Variants in BCAS3 observed in about 807,000 individuals in gnomAD.
The protein encoded by BCAS3 is BCAS4/BCAS3 fusion.
BCAS3 carries 53 observed loss-of-function variants against 116.1 expected under a neutral mutation model. The observed-to-expected ratio is 0.46, with a 90% CI of 0.37 to 0.57. The LOEUF (loss-of-function observed/expected upper bound fraction) is 0.57. Among genes scored for constraint, BCAS3 ranks in the 20% least tolerant of loss-of-function variants. The pLI, the probability that BCAS3 is intolerant of heterozygous loss-of-function variation, is 0.00. For missense variants in BCAS3, 917 were observed against 1,165.4 expected (o/e 0.79, Z 3.10); for synonymous variants, 391 against 408.2 (o/e 0.96, Z 0.51).
intron 22 of BCAS3, among the ~76,000 whole-genome samples, chr17:61,345,166 G>A (rs539495016): frequency 4.6e-5 from 7 of 152,312 alleles, no homozygotes; most frequent in African/African-American, 1.7e-4. Context: ...TGTATTCAGA[G>A]GGAAACTAAA....
chr17:60,909,558 C>T (rs2058378414), intron 11 of BCAS3, among the ~76,000 whole-genome samples: 1 of 152,000 alleles, frequency 6.6e-6, no homozygotes, highest in African/African-American at 2.4e-5. Flanking sequence ...TCTAAGTATT[C>T]TAGGGTGCCT....
intron 22 of BCAS3, among the ~76,000 whole-genome samples, chr17:61,271,124 CTTTTTTTT>C (rs1198682844): frequency 2.1e-4 from 22 of 107,084 alleles, no homozygotes; most frequent in African/African-American, 6.1e-4. Flanking sequence ...AACTTTTATT[CTTTTTTTT>C]TTTTTTTTTT....
At chr17:60,754,714 CACACACACACACACACACACACACACAG>C (rs2042834222) in intron 6 of BCAS3, among the ~76,000 whole-genome samples, 1 of 22,558 alleles carries the variant, frequency 4.4e-5, no homozygotes, top group African/African-American at 5.1e-5. Context: ...CACACACACA[CACACACACACACACACACACACACACAG>C]AGTCTGTTCA....
At position 61,234,565 on chromosome 17, in the gene BCAS3, G is replaced by A. The variant is rs1163282198; in HGVS notation, c.2426-133762G>A. ...GGGAGAGGAGTTTCCTTCTCCTTTG[G>A]TGGGCTTCCCTCTAGCAATTCAGGA... On this transcript the variant is annotated intron_variant, in intron 22 of 23. Transcript: ENST00000407086. Among the ~76,000 whole-genome samples the A allele has an allele frequency of 3.3e-5, 5 of 152,008 alleles. No individual in the cohort carries two copies. In the East Asian group the frequency reaches 9.6e-4, roughly 29 times the overall value.
At chr17:60,795,605 T>C (rs1021403970) in intron 6 of BCAS3, among the ~76,000 whole-genome samples, 2 of 152,214 alleles carry the variant, frequency 1.3e-5, no homozygotes, top group African/African-American at 4.8e-5. Flanking sequence ...ATGATGATTT[T>C]GCCAAGAGTT....
At chr17:60,894,943 A>G (rs1006301472) in intron 10 of BCAS3, among the ~76,000 whole-genome samples, 2 of 151,696 alleles carry the variant, frequency 1.3e-5, no homozygotes, top group African/African-American at 4.8e-5. Context: ...TATATTTTTG[A>G]TGTGCTGTTG....
rs988387463 is a variant in BCAS3 at position 61,376,341 on chromosome 17, C to T, written c.2593+7847C>T. Among the ~76,000 whole-genome samples, 17 of 152,140 alleles carry T rather than the reference C, an allele frequency of 1.1e-4. No individual in the cohort carries two copies. The highest frequency in any genetic ancestry group is 4.1e-4 in the African/African-American group (17 of 41,410). On this transcript the variant is annotated intron_variant, in intron 23 of 23. Coordinates refer to ENST00000407086, the MANE Select transcript of BCAS3 (RefSeq NM_017679.5). The surrounding 1 kb of genome is among the most constrained non-coding windows in gnomAD (Gnocchi z 4.5). ...TGCTGCCTTCACAGGGCCATCGTGG[C>T]TCATAGCCCCATAGGTCACATTCCC...
intron 15 of BCAS3, among the ~76,000 whole-genome samples, chr17:60,996,962 A>G (rs1410195807): frequency 2.0e-5 from 3 of 152,100 alleles, no homozygotes; most frequent in East Asian, 3.9e-4. Context: ...GTGATCCCCA[A>G]CCTTTTTGGC....
chr17:61,006,125 A>T (rs2064687262), intron 15 of BCAS3, among the ~76,000 whole-genome samples: 1 of 151,904 alleles, frequency 6.6e-6, no homozygotes, highest in Non-Finnish European at 1.5e-5. Context: ...AAGGACATGA[A>T]CTCATCATTT....
rs138192110 is a variant in BCAS3 at position 60,789,051 on chromosome 17, G to T, written c.404-18953G>T. Among the ~76,000 whole-genome samples the T allele has an allele frequency of 2.3e-3, 353 of 152,214 alleles. 3 individuals carry two copies. Among genetic ancestry groups the T allele is most frequent in the African/African-American group, 8.2e-3 (340 of 41,544 alleles). Reference sequence around the variant, plus strand: ...AATAAAAAATGAAGCAGAAGACTTGGAAATGGTTTAAATGATAAATTTAGT... The same window carrying T: ...AATAAAAAATGAAGCAGAAGACTTGTAAATGGTTTAAATGATAAATTTAGT... On this transcript the variant is annotated intron_variant, in intron 6 of 23. Coordinates refer to ENST00000407086, the MANE Select transcript of BCAS3 (RefSeq NM_017679.5).
intron 6 of BCAS3, among the ~76,000 whole-genome samples, chr17:60,771,682 C>T (rs1366314103): frequency 2.0e-5 from 3 of 152,130 alleles, no homozygotes; most frequent in African/African-American, 4.8e-5. Flanking sequence ...GGTATATCTC[C>T]TAATGCTATC....
intron 4 of BCAS3, among the ~76,000 whole-genome samples, chr17:60,708,184 G>A (rs2037410469): frequency 6.6e-6 from 1 of 151,958 alleles, no homozygotes; most frequent in South Asian, 2.1e-4. Flanking sequence ...AATTAGCTGG[G>A]CATTATGGCA....
At chr17:60,846,467 C>A (rs1030606699) in intron 7 of BCAS3, among the ~76,000 whole-genome samples, 1 of 152,062 alleles carries the variant, frequency 6.6e-6, no homozygotes, top group African/African-American at 2.4e-5. Context: ...TAGCTGATGG[C>A]GTTTGTGAGT....
chr17:60,946,543 GA>G (rs1279442721), intron 13 of BCAS3, among the ~76,000 whole-genome samples: 1 of 152,124 alleles, frequency 6.6e-6, no homozygotes, highest in African/African-American at 2.4e-5. Flanking sequence ...TTGGAGCGTA[GA>G]ATTAAAGCTT....
chr17:60,996,589 CT>C (rs1404522533), intron 15 of BCAS3, among the ~76,000 whole-genome samples: 1 of 152,034 alleles, frequency 6.6e-6, no homozygotes, highest in Non-Finnish European at 1.5e-5. Context: ...AATATGATGT[CT>C]TTTTGACCTC....
intron 17 of BCAS3, among the ~76,000 whole-genome samples, chr17:61,035,582 CAAAAAAAAA>C (rs61144658): frequency 1.5e-5 from 1 of 65,310 alleles, no homozygotes; most frequent in African/African-American, 4.9e-5. Flanking sequence ...GACTCCATCT[CAAAAAAAAA>C]AAAAAAAAAA....
In BCAS3 at chr17:61,013,621, T is replaced by C. The variant is rs909772240; in HGVS notation, c.1487-2130T>C. Among the ~76,000 whole-genome samples the C allele has an allele frequency of 6.6e-5, 10 of 152,124 alleles. No individual in the cohort carries two copies. Among genetic ancestry groups the C allele is most frequent in the Non-Finnish European group, 1.3e-4 (9 of 67,986 alleles). The stretch of plus-strand genomic sequence containing the variant: ...TATTGTGAATTCTGTCTTTTGTTAT[T>C]CCTGCAACAGGTGTAGATGGCTTCT... On this transcript the variant is annotated intron_variant, in intron 15 of 23. Coordinates refer to ENST00000407086, the MANE Select transcript of BCAS3 (RefSeq NM_017679.5). This position sits in a 1 kb window ranked among gnomAD's most constrained non-coding sequence, Gnocchi z 4.4.
intron 22 of BCAS3, among the ~76,000 whole-genome samples, chr17:61,308,952 A>C (rs2054078545): frequency 6.6e-6 from 1 of 152,152 alleles, no homozygotes; most frequent in Admixed American, 6.5e-5. Flanking sequence ...ACCAAAGTAT[A>C]AGTAGGTTGG....
rs138406637 is a variant in BCAS3 at position 61,200,516 on chromosome 17, T to C, written c.2425+115952T>C. ...TGCCGAAGGCCGTATGGTAAATCAA[T>C]GACCGAGCTGGTGTGGAATGTTAGC... is the stretch of plus-strand genomic sequence containing the variant. On this transcript the variant is annotated intron_variant, in intron 22 of 23. Coordinates refer to ENST00000407086, the MANE Select transcript of BCAS3 (RefSeq NM_017679.5). This position sits in a 1 kb window ranked among gnomAD's most constrained non-coding sequence, Gnocchi z 5.1. Among the ~76,000 whole-genome samples, 41 of 152,350 alleles carry C rather than the reference T, an allele frequency of 2.7e-4. No homozygotes were observed. The East Asian group carries it at 7.3e-3, about 27-fold the overall frequency.
Sources: gnomAD v4.1 joint callset for allele counts (sites outside exome capture counted in the v4.1 genomes callset) on GRCh38, gnomAD v4.1.1 for gene constraint, Gnocchi (gnomAD v3.1) non-coding constraint, MANE v1.5 for transcripts, NCBI Gene and HGNC (gene_info 2026-07-23, HGNC 2026-07-21) for gene names.